Variants in SPAG16 observed in about 807,000 individuals in gnomAD.
SPAG16 encodes sperm-associated antigen 16 protein.
A neutral mutation model predicts 80.4 loss-of-function variants in SPAG16; 86 were observed. That is an observed-to-expected ratio of 1.07 (90% CI 0.90 to 1.28). The LOEUF is 1.28. Ranked by LOEUF, SPAG16 falls within the 50% of genes most tolerant of loss-of-function variation. The probability of loss-of-function intolerance (pLI) is 0.00; values close to 1 mark genes in which losing one functional copy is unlikely to be tolerated. For missense variants in SPAG16, 870 were observed against 765.3 expected, an observed-to-expected ratio of 1.14 and a Z score of -1.61; for synonymous variants, 294 against 265.9, an observed-to-expected ratio of 1.11 and a Z score of -1.03.
intron 10 of SPAG16, among the ~76,000 whole-genome samples, chr2:213,562,910 G>A (rs149719042): frequency 1.6e-3 from 248 of 152,278 alleles, no homozygotes; most frequent in African/African-American, 5.7e-3. Context: ...TCTCTTATAA[G>A]GTCACTAATA....
At chr2:214,093,723 C>G (rs2052385556) in intron 13 of SPAG16, among the ~76,000 whole-genome samples, 1 of 151,968 alleles carries the variant, frequency 6.6e-6, no homozygotes, top group Non-Finnish European at 1.5e-5. Flanking sequence ...GTGCAGAATT[C>G]ACCAAACTTT....
intron 15 of SPAG16, among the ~76,000 whole-genome samples, chr2:214,399,700 TAATTA>T (rs573098118): frequency 6.6e-6 from 1 of 152,122 alleles, no homozygotes; most frequent in Non-Finnish European, 1.5e-5. Flanking sequence ...ATTAATTTCT[TAATTA>T]AATTTTTGAT....
chr2:213,574,753 T>G (rs1465688525), intron 10 of SPAG16, among the ~76,000 whole-genome samples: 2 of 150,370 alleles, frequency 1.3e-5, no homozygotes, highest in African/African-American at 4.9e-5. Context: ...TCATCTTTAT[T>G]TTTCTCTTAG....
chr2:213,843,826 G>C lies in SPAG16; in HGVS notation c.1071-18659G>C, dbSNP rs542282954. Among the ~76,000 whole-genome samples the C allele has an allele frequency of 2.6e-5, 4 of 152,236 alleles. No homozygotes were observed. In the East Asian group the frequency reaches 7.7e-4, roughly 29 times the overall value. ...AGATCATGCCACTGCACTCCAGCCT[G>C]GGCGACAGAGTGAGACTCCATCTCA... On this transcript the variant is annotated intron_variant, in intron 10 of 15. Coordinates refer to ENST00000331683, the MANE Select transcript of SPAG16 (RefSeq NM_024532.5).
chr2:214,275,937 T>G (rs1384979527), intron 15 of SPAG16, among the ~76,000 whole-genome samples: 1 of 152,216 alleles, frequency 6.6e-6, no homozygotes, highest in East Asian at 1.9e-4. Flanking sequence ...TAAGTCTCTT[T>G]GTGGGTCTCT....
chr2:213,608,428 G>GT (rs2061337882), intron 10 of SPAG16, among the ~76,000 whole-genome samples: 1 of 152,168 alleles, frequency 6.6e-6, no homozygotes, highest in East Asian at 1.9e-4. Context: ...GCGGTGTTTG[G>GT]TTTTTTGTCC....
At chr2:213,443,041 T>A (rs2071077114) in intron 9 of SPAG16, among the ~76,000 whole-genome samples, 1 of 152,156 alleles carries the variant, frequency 6.6e-6, no homozygotes, top group Non-Finnish European at 1.5e-5. Flanking sequence ...ACAAATGACT[T>A]CAGAAGTTGT....
In SPAG16 at chr2:213,474,399, T is replaced by C. The variant is rs930684585; in HGVS notation, c.943-15564T>C. 2.0e-5 allele frequency among the ~76,000 whole-genome samples: 3 copies of C among 152,328 alleles called. No individual in the cohort carries two copies. The East Asian group carries it at 5.8e-4, about 29-fold the overall frequency. On this transcript the variant is annotated intron_variant, in intron 9 of 15. Transcript: ENST00000331683. Reference sequence around the variant, plus strand: ...AGTATCTGCTTCTGAAGTTGGGAGATAGAATCCCTGGGTTCCTCATTTTCT... The same window carrying C: ...AGTATCTGCTTCTGAAGTTGGGAGACAGAATCCCTGGGTTCCTCATTTTCT...
chr2:214,175,088 A>C (rs1184579051), intron 15 of SPAG16, among the ~76,000 whole-genome samples: 1 of 151,344 alleles, frequency 6.6e-6, no homozygotes, highest in Admixed American at 6.6e-5. Context: ...GGTTGCAGTC[A>C]ACAGAAATTG....
chr2:213,724,908 A>C (rs2066696305), intron 10 of SPAG16, among the ~76,000 whole-genome samples: 1 of 151,974 alleles, frequency 6.6e-6, no homozygotes, highest in African/African-American at 2.4e-5. Context: ...AAAATTTGGA[A>C]ATTAGTTGGA....
At chr2:213,668,898 T>G (rs1317542019) in intron 10 of SPAG16, among the ~76,000 whole-genome samples, 1 of 152,188 alleles carries the variant, frequency 6.6e-6, no homozygotes, top group Non-Finnish European at 1.5e-5. Flanking sequence ...TCTGCCTGCC[T>G]CGGCCTCCCT....
chr2:214,129,681 A>T (rs1021625810), intron 14 of SPAG16, among the ~76,000 whole-genome samples: 2 of 152,280 alleles, frequency 1.3e-5, no homozygotes, highest in African/African-American at 2.4e-5. Context: ...TTTCATGCGA[A>T]GGCTTAGACA....
In SPAG16 at chr2:213,548,547, A is replaced by G. The variant is rs1164879637; in HGVS notation, c.1070+58457A>G. On this transcript the variant is annotated intron_variant, in intron 10 of 15. Coordinates refer to ENST00000331683, the MANE Select transcript of SPAG16 (RefSeq NM_024532.5). ...TTTTCAAGATTTTCGGTTTCTATCT[A>G]TATGATAGGTGCGTAATCAAATACT... Among the ~76,000 whole-genome samples, 5 of 152,296 alleles carry G rather than the reference A, an allele frequency of 3.3e-5. No individual in the cohort carries two copies. In the East Asian group the frequency reaches 7.7e-4, roughly 24 times the overall value.
chr2:213,578,181 C>T (rs569575898), intron 10 of SPAG16, among the ~76,000 whole-genome samples: 1 of 152,124 alleles, frequency 6.6e-6, no homozygotes, highest in Admixed American at 6.6e-5. Context: ...TAATCTATGT[C>T]TTAATAATAA....
chr2:213,682,559 T>C (rs905686784), intron 10 of SPAG16, among the ~76,000 whole-genome samples: 1 of 152,220 alleles, frequency 6.6e-6, no homozygotes, highest in African/African-American at 2.4e-5. Flanking sequence ...CTAAGGGTAT[T>C]TAAGCGTTTA....
intron 10 of SPAG16, among the ~76,000 whole-genome samples, chr2:213,559,211 C>T (rs2059526053): frequency 6.6e-6 from 1 of 152,070 alleles, no homozygotes; most frequent in Non-Finnish European, 1.5e-5. Context: ...AACTGTCATC[C>T]TGAACCGTCT....
chr2:214,261,011 G>T (rs999056949), intron 15 of SPAG16, among the ~76,000 whole-genome samples: 2 of 149,556 alleles, frequency 1.3e-5, no homozygotes, highest in Admixed American at 6.8e-5. Flanking sequence ...GGAGGCTGAG[G>T]CAGGAGAATC....
chr2:214,245,899 G>A (rs373061501), intron 15 of SPAG16, among the ~76,000 whole-genome samples: 18 of 152,098 alleles, frequency 1.2e-4, no homozygotes, highest in African/African-American at 3.4e-4. Context: ...TAAAACGTAC[G>A]TTTTGAATGA....
At chr2:213,481,968 C>T (rs557326847) in intron 9 of SPAG16, among the ~76,000 whole-genome samples, 3 of 152,178 alleles carry the variant, frequency 2.0e-5, no homozygotes, top group Non-Finnish European at 2.9e-5. Flanking sequence ...GAATTACAGA[C>T]AGTAATAGGA....
Sources: allele counts gnomAD v4.1 joint callset (sites outside exome capture counted in the v4.1 genomes callset), GRCh38; gene constraint gnomAD v4.1.1; transcripts MANE v1.5; gene names NCBI Gene and HGNC (gene_info 2026-07-23, HGNC 2026-07-21).